The following UBR4 variants were observed in gnomAD, a reference collection of about 807,000 sequenced individuals.
The protein encoded by UBR4 is ubiquitin protein ligase E3 component n-recognin 4, also known as E3 ubiquitin-protein ligase UBR4.
A neutral mutation model predicts 575.6 loss-of-function variants in UBR4; 124 were observed. The ratio of observed to expected loss-of-function variants is 0.22; its 90% CI spans 0.19 to 0.25. The LOEUF (loss-of-function observed/expected upper bound fraction) is 0.25, where lower values mean the gene tolerates loss of function less well. Ranked by LOEUF, UBR4 falls within the 10% of genes least tolerant of loss-of-function variation. The probability of loss-of-function intolerance (pLI) is 1.00; values close to 1 mark genes in which losing one functional copy is unlikely to be tolerated. For missense variants in UBR4, 4,818 were observed against 6,478.8 expected (o/e 0.74, Z 8.80); for synonymous variants, 2,455 against 2,473.7 (o/e 0.99, Z 0.22).
rs141700010 is a variant in UBR4 at position 19,165,314 on chromosome 1, T to C, written c.4247A>G (p.Asn1416Ser). The C allele has an allele frequency of 3.0e-5, 49 of 1,614,076 alleles. No homozygotes were observed. In the African/African-American group the frequency reaches 3.5e-4, roughly 11 times the overall value. ...ACAGAATTTAGCAGAGAGGTTCTCATTGGCTGTTGCCATCATGATCTGTAC... is the reference window on the plus strand; with the variant it reads ...ACAGAATTTAGCAGAGAGGTTCTCACTGGCTGTTGCCATCATGATCTGTAC... The part of the protein sequence containing the change: ...ELVQIMMATA[N>S]ENLSAKFCNR... The change falls in exon 31 of 106, where the codon AAT (asparagine) becomes AGT (serine). Residue 1416 changes from asparagine (N) to serine (S), a missense_variant. Around this residue, in one of 29 missense-constraint regions of UBR4, gnomAD observed 1,172 missense variants for 1,259.7 expected, o/e 0.93. Coordinates refer to ENST00000375254, the MANE Select transcript of UBR4 (RefSeq NM_020765.3).
chr1:19,174,202 A>T, intron 22 of UBR4, 117 bp downstream of exon 22: 1 of 1,296,834 alleles, frequency 7.7e-7, no homozygotes, highest in Non-Finnish European at 1.0e-6. Context: ...CTCAAGTATC[A>T]GTCAGTTTTG....
At position 19,164,482 on chromosome 1, in the gene UBR4, G is replaced by A. The variant is rs189388804; in HGVS notation, c.4512-41C>T. ...GAGCAAGTTGGTGAATAATCAACAG[G>A]AATCTCATTCTGTGTGTTATAAAGG... On this transcript the variant is annotated intron_variant, in intron 32 of 105. Coordinates refer to ENST00000375254, the MANE Select transcript of UBR4 (RefSeq NM_020765.3). The A allele has an allele frequency of 7.3e-4, 1,153 of 1,576,718 alleles. 6 individuals carry two copies. In the African/African-American group the frequency reaches 0.013, roughly 18 times the overall value.
At chr1:19,134,267 TAAATAA>T (rs986969007) in intron 60 of UBR4, among the ~76,000 whole-genome samples, 3 of 139,706 alleles carry the variant, frequency 2.1e-5, no homozygotes, top group African/African-American at 8.1e-5. Flanking sequence ...AATAAATAAA[TAAATAA>T]AAATAAATAA....
In UBR4 at chr1:19,146,562, A is replaced by G. The variant is rs574827814; in HGVS notation, c.7804+264T>C. 2.6e-5 allele frequency among the ~76,000 whole-genome samples: 4 copies of G among 152,388 alleles called. No individual in the cohort carries two copies. The South Asian group carries it at 8.3e-4, about 32-fold the overall frequency. ...TTTCCCCTGAAGCTCCTAAGAGGTA[A>G]TAACTTCAGAGACAGATTATATCTG... On this transcript the variant is annotated intron_variant, in intron 52 of 105. Coordinates refer to ENST00000375254, the MANE Select transcript of UBR4 (RefSeq NM_020765.3).
chr1:19,110,846 T>C lies in UBR4; in HGVS notation c.11802-14A>G, dbSNP rs188012367. 4.1e-5 allele frequency: 66 copies of C among 1,612,202 alleles called. No individual in the cohort carries two copies. The highest frequency in any genetic ancestry group is 2.2e-4 in the South Asian group (20 of 90,844). ...TCTGGGTTGTCTCTGCAGAAGCAAA[T>C]AGAAATGGAGTCCTATAATTCACAA... is the stretch of plus-strand genomic sequence containing the variant. On this transcript the variant is annotated splice_polypyrimidine_tract_variant and intron_variant, in intron 78 of 105. Transcript: ENST00000375254. This position sits in a 1 kb window ranked among gnomAD's most constrained non-coding sequence, Gnocchi z 4.5.
intron 60 of UBR4, among the ~76,000 whole-genome samples, 167 bp downstream of exon 60, chr1:19,137,840 C>G (rs1226857123): frequency 6.6e-6 from 1 of 152,186 alleles, no homozygotes; most frequent in East Asian, 1.9e-4. Flanking sequence ...AAAGACAGAC[C>G]TAGAGCACTT....
At chr1:19,138,519 T>C (rs903658583) in intron 59 of UBR4, among the ~76,000 whole-genome samples, 7 of 152,160 alleles carry the variant, frequency 4.6e-5, no homozygotes, top group Non-Finnish European at 7.3e-5. Context: ...TCTGTAAAAA[T>C]TGTATCCAGT....
chr1:19,123,064 G>A lies in UBR4; in HGVS notation c.9589-4C>T. Reference sequence around the variant, plus strand: ...GAGTCTGCTGGATCATGAGGTACTTGAGAAGAAAAACACCACAAAGAGTAA... The same window carrying A: ...GAGTCTGCTGGATCATGAGGTACTTAAGAAGAAAAACACCACAAAGAGTAA... On this transcript the variant is annotated splice_region_variant and splice_polypyrimidine_tract_variant and intron_variant, in intron 65 of 105. Coordinates refer to ENST00000375254, the MANE Select transcript of UBR4 (RefSeq NM_020765.3). 2 of 1,613,936 alleles carry A rather than the reference G, an allele frequency of 1.2e-6. No individual in the cohort carries two copies. The highest frequency in any genetic ancestry group is 1.7e-6 in the Non-Finnish European group (2 of 1,179,898).
rs555243508 is a variant in UBR4 at position 19,186,150 on chromosome 1, C to T, written c.1750+390G>A. On this transcript the variant is annotated intron_variant, in intron 14 of 105. Coordinates refer to ENST00000375254, the MANE Select transcript of UBR4 (RefSeq NM_020765.3). ...GGATTAGGTTTCTCTACTCAAGCTT[C>T]CCTAAACTATGACTATGATAACATC... 1.5e-3 allele frequency among the ~76,000 whole-genome samples: 231 copies of T among 152,300 alleles called. 3 individuals are homozygous for T. In the South Asian group the frequency reaches 0.021, roughly 14 times the overall value.
At position 19,192,551 on chromosome 1, in the gene UBR4, T is replaced by G. The variant is rs1446883991; in HGVS notation, c.1144-11A>C. 1 of 1,613,970 alleles carries G rather than the reference T, an allele frequency of 6.2e-7. No individual in the cohort carries two copies. Among genetic ancestry groups the G allele is most frequent in the African/African-American group, 1.3e-5 (1 of 74,998 alleles). On this transcript the variant is annotated splice_polypyrimidine_tract_variant and intron_variant, in intron 9 of 105. Coordinates refer to ENST00000375254, the MANE Select transcript of UBR4 (RefSeq NM_020765.3). ...GTCATAGATTTCGAGCTGTACAATA[T>G]CAAACAGACACAAAAATCTGAACAA...
Position 19,187,148 on chromosome 1 carries a change from C to T in UBR4, c.1632+16G>A, listed in dbSNP as rs1305515250. The T allele has an allele frequency of 2.5e-6, 4 of 1,596,096 alleles. No homozygotes were observed. In the African/African-American group the frequency reaches 4.0e-5, roughly 16 times the overall value. ...AGACATTCTTCTAAATTATCAATGG[C>T]TTAACTCCCACCCACCTTTCTGTAG... On this transcript the variant is annotated intron_variant, in intron 13 of 105. Coordinates refer to ENST00000375254, the MANE Select transcript of UBR4 (RefSeq NM_020765.3).
intron 59 of UBR4, among the ~76,000 whole-genome samples, chr1:19,138,420 C>T (rs1462994708): frequency 2.0e-5 from 3 of 152,204 alleles, no homozygotes; most frequent in African/African-American, 7.2e-5. Flanking sequence ...TGATCTTAAT[C>T]TCAGATGCTA....
In UBR4 at chr1:19,153,150, C is replaced by T; in HGVS notation, c.6832+151G>A. On this transcript the variant is annotated intron_variant, in intron 46 of 105. Transcript: ENST00000375254. This position sits in a 1 kb window ranked among gnomAD's most constrained non-coding sequence, Gnocchi z 4.1. The stretch of plus-strand genomic sequence containing the variant: ...CCAATGGGTGCTTGACATTTGGAAA[C>T]ATAACTCTGCTTTTGGGAAATTAAC... 1.0e-6 allele frequency: 1 copy of T among 984,398 alleles called. No homozygotes were observed. The highest frequency in any genetic ancestry group is 1.5e-6 in the Non-Finnish European group (1 of 674,648). 61.0% of individuals were successfully genotyped at this position (984,398 alleles called of 1,614,324 possible).
chr1:19,087,776 G>C (rs368399500), intron 99 of UBR4, 40 bp downstream of exon 99: 10 of 1,540,618 alleles, frequency 6.5e-6, no homozygotes, highest in African/African-American at 4.1e-5. Flanking sequence ...AAGGGGTCAG[G>C]CTGGGCCCTC....
chr1:19,173,562 T>C lies in UBR4; in HGVS notation c.3042A>G (p.Pro1014=). The change falls in exon 23 of 106, where the codon CCA becomes CCG. Residue 1014 remains proline (P), a synonymous_variant. Coordinates refer to ENST00000375254, the MANE Select transcript of UBR4 (RefSeq NM_020765.3). ...LILWRILGIL[P]PSKTYINQLS... ...GCTGGTTAATGTAAGTCTTTGATGG[T>C]GGTAAAATTCCTAGGATCCTCCACA... 1 of 1,614,116 alleles carries C rather than the reference T, an allele frequency of 6.2e-7. No individual in the cohort carries two copies.
chr1:19,111,629 T>C (rs2079889976), intron 78 of UBR4: 1 of 152,064 alleles, frequency 6.6e-6, no homozygotes. Flanking sequence ...TTGTATTTTT[T>C]TTTTTTTTTT....
chr1:19,160,405 T>TA (rs1384297536), intron 38 of UBR4, 124 bp from the exon 39 acceptor site: 18 of 932,152 alleles, frequency 1.9e-5, no homozygotes, highest in African/African-American at 3.3e-5. Flanking sequence ...TCCAGTTGGA[T>TA]ATTCTAGCCA....
chr1:19,130,123 G>A, intron 60 of UBR4, among the ~76,000 whole-genome samples: 1 of 152,138 alleles, frequency 6.6e-6, no homozygotes, highest in East Asian at 1.9e-4. Context: ...GACTAAGAAG[G>A]GAGGATTGGT....
Position 19,155,163 on chromosome 1 carries a change from G to T in UBR4, c.6301-88C>A, listed in dbSNP as rs1267822022. On this transcript the variant is annotated intron_variant, in intron 43 of 105. Transcript: ENST00000375254. Reference sequence around the variant, plus strand: ...TATACTGGTTATTATTTTCAATCATGATCAGGTGCTCTCATACTCTAAGCA... The same window carrying T: ...TATACTGGTTATTATTTTCAATCATTATCAGGTGCTCTCATACTCTAAGCA... The T allele has an allele frequency of 1.9e-6, 3 of 1,545,426 alleles. No homozygotes were observed. In the African/African-American group the frequency reaches 4.1e-5, roughly 21 times the overall value.
Sources: allele counts gnomAD v4.1 joint callset (sites outside exome capture counted in the v4.1 genomes callset), GRCh38; gene constraint gnomAD v4.1.1; regional missense constraint gnomAD v4.1.1; non-coding constraint Gnocchi (gnomAD v3.1); transcripts MANE v1.5; gene names NCBI Gene and HGNC (gene_info 2026-07-23, HGNC 2026-07-21).